KANK1: variants seen among roughly 807,000 people sequenced by gnomAD.
KANK1 encodes the protein KN motif and ankyrin repeat domains 1.
Under a neutral mutation model 106.2 loss-of-function variants are expected in KANK1, and 109 were observed. The observed-to-expected ratio is 1.03, with a 90% CI of 0.88 to 1.20. KANK1 has a LOEUF of 1.20. KANK1 is among the 50% of genes most tolerant of loss of function. The pLI is 0.00. For synonymous variants in KANK1, 873 were observed against 652.2 expected, an observed-to-expected ratio of 1.34 and a Z score of -5.16; for missense variants, 2,399 against 1,710.7, an observed-to-expected ratio of 1.40 and a Z score of -7.10.
intron 1 of KANK1, among the ~76,000 whole-genome samples, chr9:655,199 G>A (rs936235590): frequency 2.6e-5 from 4 of 151,912 alleles, no homozygotes; most frequent in African/African-American, 4.8e-5. Flanking sequence ...GTGAAACCTC[G>A]TCTCTACTAA....
At chr9:583,445 T>C (rs1822671554) in intron 1 of KANK1, among the ~76,000 whole-genome samples, 1 of 152,098 alleles carries the variant, frequency 6.6e-6, no homozygotes, top group African/African-American at 2.4e-5. Context: ...ATCTTCAAAA[T>C]AGATTAGTGA....
At chr9:563,038 C>G (rs575217488) in intron 1 of KANK1, among the ~76,000 whole-genome samples, 15 of 152,278 alleles carry the variant, frequency 9.9e-5, no homozygotes, top group African/African-American at 3.6e-4. Flanking sequence ...CAGCCAGATT[C>G]TGCATTTTTC....
At chr9:736,307 T>G (rs1001614947) in intron 7 of KANK1, among the ~76,000 whole-genome samples, 4 of 152,136 alleles carry the variant, frequency 2.6e-5, no homozygotes, top group Admixed American at 6.5e-5. Flanking sequence ...TGTTATACTG[T>G]ATTGTTTTGT....
intron 1 of KANK1, among the ~76,000 whole-genome samples, chr9:525,012 A>T (rs2059722550): frequency 9.4e-6 from 1 of 106,792 alleles, no homozygotes. Flanking sequence ...TTTGAGGCAG[A>T]GTCTCACTCT....
intron 2 of KANK1, chr9:693,597 G>T (rs1820508390): frequency 1.0e-6 from 1 of 985,242 alleles, no homozygotes. Flanking sequence ...CAAGAGTCCT[G>T]GAATTAAACC....
chr9:731,368 C>T, intron 5 of KANK1, 102 bp downstream of exon 5: 1 of 634,204 alleles, frequency 1.6e-6, no homozygotes. Flanking sequence ...GGCCACAGCG[C>T]AGTGATGAAA....
intron 2 of KANK1, among the ~76,000 whole-genome samples, chr9:691,845 G>A (rs1179789938): frequency 2.7e-5 from 4 of 147,890 alleles, no homozygotes; most frequent in African/African-American, 5.0e-5. Flanking sequence ...TCAAACTCCT[G>A]GGCTCAAGTA....
At chr9:723,077 T>C (rs1829777018) in intron 3 of KANK1, among the ~76,000 whole-genome samples, 1 of 152,092 alleles carries the variant, frequency 6.6e-6, no homozygotes, top group Non-Finnish European at 1.5e-5. Context: ...GATGGCGAAT[T>C]TCCAGACCTG....
At chr9:607,549 C>G (rs1406806063) in intron 1 of KANK1, among the ~76,000 whole-genome samples, 2 of 150,860 alleles carry the variant, frequency 1.3e-5, no homozygotes, top group Non-Finnish European at 2.9e-5. Flanking sequence ...AGTTGAGTAC[C>G]TCTCCTGTGG....
intron 2 of KANK1, chr9:685,641 A>G (rs973617285): frequency 1.3e-5 from 2 of 152,238 alleles, no homozygotes; most frequent in Non-Finnish European, 2.9e-5. Flanking sequence ...GTACTAGAGT[A>G]ACCATTTATG....
intron 1 of KANK1, among the ~76,000 whole-genome samples, chr9:569,940 G>T (rs975431000): frequency 2.6e-5 from 4 of 151,768 alleles, no homozygotes; most frequent in Non-Finnish European, 4.4e-5. Flanking sequence ...ACGTTGTAAG[G>T]TTTCTGTTTT....
At chr9:559,868 T>G (rs969261887) in intron 1 of KANK1, among the ~76,000 whole-genome samples, 1 of 152,168 alleles carries the variant, frequency 6.6e-6, no homozygotes, top group Non-Finnish European at 1.5e-5. Flanking sequence ...TACTCTGTTC[T>G]TCACATACTC....
intron 3 of KANK1, among the ~76,000 whole-genome samples, chr9:716,267 A>G (rs1484870655): frequency 6.6e-6 from 1 of 152,226 alleles, no homozygotes; most frequent in African/African-American, 2.4e-5. Context: ...CAGGGTTGTA[A>G]TGAAGATTCA....
chr9:693,044 T>C (rs1427546474), intron 2 of KANK1, among the ~76,000 whole-genome samples: 2 of 151,786 alleles, frequency 1.3e-5, no homozygotes, highest in East Asian at 3.9e-4. Flanking sequence ...ATTTAAATCA[T>C]TAGGGGAACA....
intron 2 of KANK1, among the ~76,000 whole-genome samples, chr9:697,877 G>A (rs1004077089): frequency 2.0e-5 from 3 of 152,082 alleles, no homozygotes; most frequent in African/African-American, 7.2e-5. Flanking sequence ...ACTAATAACT[G>A]GTAGGCGGAG....
At chr9:486,893 G>A (rs993716684) in intron 3 of KANK1, among the ~76,000 whole-genome samples, 21 of 152,152 alleles carry the variant, frequency 1.4e-4, no homozygotes, top group African/African-American at 5.1e-4. Context: ...TTTAATCATG[G>A]CAAAAGTCTA....
chr9:731,128 T>A (rs1468400834), intron 4 of KANK1, 30 bp from the exon 5 acceptor site: 3 of 1,328,788 alleles, frequency 2.3e-6, no homozygotes, highest in Non-Finnish European at 3.2e-6. Context: ...GGTGTGAGTT[T>A]TCATTTTTAT....
At chr9:577,753 T>G (rs1820965861) in intron 1 of KANK1, among the ~76,000 whole-genome samples, 1 of 152,192 alleles carries the variant, frequency 6.6e-6, no homozygotes, top group African/African-American at 2.4e-5. Flanking sequence ...GGAATTTATG[T>G]TTCAACAAGT....
At position 635,535 on chromosome 9, in the gene KANK1, C is replaced by T. The variant is rs986149248; in HGVS notation, c.-83-41355C>T. Among the ~76,000 whole-genome samples, 18 of 152,060 alleles carry T rather than the reference C, an allele frequency of 1.2e-4. 1 individual carries two copies. Among genetic ancestry groups the T allele is most frequent in the African/African-American group, 4.1e-4 (17 of 41,390 alleles). ...TACTCTTACATCCTAGTCATATCAGCCCCTTGAGACTGGAGCTAGTCTTCA... is the reference window on the plus strand; with the variant it reads ...TACTCTTACATCCTAGTCATATCAGTCCCTTGAGACTGGAGCTAGTCTTCA... On this transcript the variant is annotated intron_variant, in intron 1 of 11. Transcript: ENST00000382297.
Sources: allele counts gnomAD v4.1 joint callset (sites outside exome capture counted in the v4.1 genomes callset), GRCh38; gene constraint gnomAD v4.1.1; transcripts MANE v1.5; gene names NCBI Gene and HGNC (gene_info 2026-07-23, HGNC 2026-07-21).